The following MIB2 variants were observed in gnomAD, a reference collection of about 807,000 sequenced individuals.
The protein encoded by MIB2 is E3 ubiquitin-protein ligase MIB2.
In MIB2, 78 loss-of-function variants were observed where a neutral mutation model predicts 96.6. The ratio of observed to expected loss-of-function variants is 0.81; its 90% CI spans 0.67 to 0.97. The LOEUF (loss-of-function observed/expected upper bound fraction) is 0.97, where lower values mean the gene tolerates loss of function less well. MIB2 is among the 50% of genes least tolerant of loss of function. The probability of loss-of-function intolerance (pLI) is 0.00; values close to 1 mark genes in which losing one functional copy is unlikely to be tolerated. For synonymous variants in MIB2, 820 were observed against 629.5 expected (o/e 1.30, Z -4.53); for missense variants, 1,543 against 1,424.0 (o/e 1.08, Z -1.35).
At chr1:1,616,666 T>C (rs764004807) in intron 2 of MIB2, 52 bp downstream of exon 2, 4 of 1,449,120 alleles carry the variant, frequency 2.8e-6, no homozygotes, top group South Asian at 2.5e-5. Flanking sequence ...CTCTCCCACT[T>C]TGGGGCTCCG....
At chr1:1,615,790 C>G in intron 1 of MIB2, 157 bp downstream of exon 1, 1 of 1,330,174 alleles carries the variant, frequency 7.5e-7, no homozygotes, top group Non-Finnish European at 9.6e-7. Flanking sequence ...TGGGCTGGGG[C>G]TGCGCGCGCA....
At position 1,625,253 on chromosome 1, in the gene MIB2, G is replaced by A. The variant is rs764715673; in HGVS notation, c.722-33G>A. On this transcript the variant is annotated intron_variant, in intron 6 of 19. Transcript: ENST00000355826. The surrounding 1 kb of genome is among the most constrained non-coding windows in gnomAD (Gnocchi z 5.0). ...GCTGAAGTCCCAGAGGGGAGGGGCC[G>A]CTGCCTGAGGCCTGGTCTGCCACCC... is the stretch of plus-strand genomic sequence containing the variant. The A allele has an allele frequency of 1.9e-5, 31 of 1,595,542 alleles. No homozygotes were observed. The African/African-American group carries it at 2.0e-4, about 10-fold the overall frequency.
In MIB2 at chr1:1,626,361, G is replaced by A. The variant is rs1644762355; in HGVS notation, c.973-289G>A. 4 of 475,332 alleles carry A rather than the reference G, an allele frequency of 8.4e-6. No homozygotes were observed. The highest frequency in any genetic ancestry group is 3.9e-5 in the Admixed American group (1 of 25,888). 29.4% of individuals were successfully genotyped at this position (475,332 alleles called of 1,614,324 possible). On this transcript the variant is annotated intron_variant, in intron 8 of 19. Transcript: ENST00000355826. This position sits in a 1 kb window ranked among gnomAD's most constrained non-coding sequence, Gnocchi z 5.3. Reference sequence around the variant, plus strand: ...GCCATGTTGCCTGCTGCTGGTCAGCGTACAGCTTCCCAGGGCCAGCCACCT... The same window carrying A: ...GCCATGTTGCCTGCTGCTGGTCAGCATACAGCTTCCCAGGGCCAGCCACCT...
At chr1:1,627,621 C>G (rs915943406) in intron 12 of MIB2, 52 bp from the exon 13 acceptor site, 1 of 1,548,280 alleles carries the variant, frequency 6.5e-7, no homozygotes, top group African/African-American at 1.4e-5. Flanking sequence ...TGAGCCTGTG[C>G]GTCCAGCCAC....
intron 16 of MIB2, 40 bp from the exon 17 acceptor site, chr1:1,629,093 C>T (rs1162742383): frequency 1.4e-6 from 2 of 1,404,830 alleles, no homozygotes; most frequent in Non-Finnish European, 1.8e-6. Flanking sequence ...TCGGGCCTGC[C>T]CCGGCGCCCG....
Position 1,625,879 on chromosome 1 carries a change from TG to T in MIB2, c.972+229del, listed in dbSNP as rs1288474481. 9 of 576,974 alleles carry T rather than the reference TG, an allele frequency of 1.6e-5. 1 individual carries two copies. In the South Asian group the frequency reaches 1.7e-4, roughly 11 times the overall value. 35.7% of individuals were successfully genotyped at this position (576,974 alleles called of 1,614,324 possible). On this transcript the variant is annotated intron_variant, in intron 8 of 19. Transcript: ENST00000355826. The surrounding 1 kb of genome is among the most constrained non-coding windows in gnomAD (Gnocchi z 5.0). ...GAGGGTATGTCTCTGGGAGCTGGAATGGGCAGGTTAGGGCCTCCCTCTGTTC... is the reference window on the plus strand; with the variant it reads ...GAGGGTATGTCTCTGGGAGCTGGAATGGCAGGTTAGGGCCTCCCTCTGTTC...
intron 2 of MIB2, among the ~76,000 whole-genome samples, chr1:1,621,837 G>C (rs1234247139): frequency 6.6e-6 from 1 of 152,234 alleles, no homozygotes; most frequent in African/African-American, 2.4e-5. Flanking sequence ...TGCAGGCAGA[G>C]CCTCTGCACT....
intron 2 of MIB2, chr1:1,617,379 G>A (rs1643853293): frequency 6.6e-6 from 1 of 152,222 alleles, no homozygotes; most frequent in Admixed American, 6.5e-5. Flanking sequence ...TTGCAATAAG[G>A]GAACTCTCTC....
In MIB2 at chr1:1,628,649, A is replaced by G. The variant is rs781501786; in HGVS notation, c.2129A>G (p.Gln710Arg). 1.3e-6 allele frequency: 2 copies of G among 1,591,796 alleles called. No homozygotes were observed. The highest frequency in any genetic ancestry group is 2.3e-5 in the South Asian group (2 of 88,718). Residue 710 changes from glutamine (Q) to arginine (R), a missense_variant, in exon 16 of 20, where the codon CAG (glutamine) becomes CGG (arginine). Gln to Arg is a conservative substitution (Grantham distance 43). Coordinates refer to ENST00000355826, the MANE Select transcript of MIB2 (RefSeq NM_001170687.4). ...EGDTALHVAL[Q>R]RHQLLPLVAD... ...GACACAGCCCTGCACGTGGCGCTGC[A>G]GCGTCATCAGCTGCTGCCCCTGGTG...
At chr1:1,615,020 A>C (rs1426669741), upstream of MIB2, 21 of 159,596 alleles carry the variant, frequency 1.3e-4, no homozygotes, top group East Asian at 3.4e-3. Flanking sequence ...GTCTCCAAAA[A>C]AAAAAAAAGA....
Position 1,616,497 on chromosome 1 carries a change from C to G in MIB2, c.-129-11C>G. 1.3e-6 allele frequency: 2 copies of G among 1,563,030 alleles called. No homozygotes were observed. Among genetic ancestry groups the G allele is most frequent in the Non-Finnish European group, 1.7e-6 (2 of 1,154,582 alleles). ...CTAACTGTGCATCTTGGCATCTCCC[C>G]TCGGCCACAGGGTTGGAAGCCCAGC... is the stretch of plus-strand genomic sequence containing the variant. On this transcript the variant is annotated splice_polypyrimidine_tract_variant and intron_variant, in intron 1 of 19. Coordinates refer to ENST00000355826, the MANE Select transcript of MIB2 (RefSeq NM_001170687.4).
At chr1:1,627,876 G>C (rs757557570) in intron 13 of MIB2, 47 bp downstream of exon 13, 5 of 1,589,312 alleles carry the variant, frequency 3.1e-6, no homozygotes, top group Non-Finnish European at 4.3e-6. Context: ...GTGAGTGCTT[G>C]TCCCTGGCCT....
chr1:1,629,276 G>A lies in MIB2; in HGVS notation c.2346G>A (p.Val782=). Residue 782 remains valine, a synonymous_variant, in exon 17 of 20, where the codon GTG becomes GTA. Coordinates refer to ENST00000355826, the MANE Select transcript of MIB2 (RefSeq NM_001170687.4). ...TGGACCTGGCCGCCGAGGGTCGCGT[G>A]CTCAAGGCCCTTCAGGGCTGCGCCC... is the stretch of plus-strand genomic sequence containing the variant. ...SPLDLAAEGR[V]LKALQGCAQR... The A allele has an allele frequency of 1.3e-6, 2 of 1,542,938 alleles. No homozygotes were observed. Among genetic ancestry groups the A allele is most frequent in the Non-Finnish European group, 1.7e-6 (2 of 1,156,790 alleles).
At position 1,628,516 on chromosome 1, in the gene MIB2, C is replaced by T. The variant is rs771040772; in HGVS notation, c.1996C>T (p.Arg666Trp). Residue 666 changes from arginine (R) to tryptophan (W), a missense_variant, in exon 16 of 20, where the codon CGG (arginine) becomes TGG (tryptophan). Arg to Trp is a moderately radical substitution (Grantham distance 101). Coordinates refer to ENST00000355826, the MANE Select transcript of MIB2 (RefSeq NM_001170687.4). ...EGRCDVNVRN[R>W]KLQSPLHLAV... ...CCGCTGTGACGTGAACGTGCGCAACCGGAAGCTGCAGTCCCCGCTGCATCT... is the reference window on the plus strand; with the variant it reads ...CCGCTGTGACGTGAACGTGCGCAACTGGAAGCTGCAGTCCCCGCTGCATCT... 2.4e-5 allele frequency: 38 copies of T among 1,600,572 alleles called. No individual in the cohort carries two copies. Among genetic ancestry groups the T allele is most frequent in the Non-Finnish European group, 2.7e-5 (32 of 1,178,308 alleles).
At chr1:1,615,171 T>C (rs1390391520), upstream of MIB2, 9 of 443,422 alleles carry the variant, frequency 2.0e-5, no homozygotes, top group South Asian at 1.4e-4. Flanking sequence ...CGTTTCTCGC[T>C]GTGTCCAGGT....
intron 2 of MIB2, among the ~76,000 whole-genome samples, chr1:1,621,796 G>A (rs1005188079): frequency 2.6e-5 from 4 of 151,710 alleles, no homozygotes; most frequent in African/African-American, 4.9e-5. Flanking sequence ...GCCGGGGCAC[G>A]GATCGGGGGC....
At chr1:1,628,846 G>C in intron 16 of MIB2, 124 bp downstream of exon 16, 1 of 934,098 alleles carries the variant, frequency 1.1e-6, no homozygotes. Flanking sequence ...GGCGTTCTGG[G>C]GGTGGAGCAG....
Position 1,626,523 on chromosome 1 carries a change from G to A in MIB2, c.973-127G>A, listed in dbSNP as rs1160166976. On this transcript the variant is annotated intron_variant, in intron 8 of 19. Coordinates refer to ENST00000355826, the MANE Select transcript of MIB2 (RefSeq NM_001170687.4). This position sits in a 1 kb window ranked among gnomAD's most constrained non-coding sequence, Gnocchi z 5.3. The stretch of plus-strand genomic sequence containing the variant: ...AGAGCCTCTGGCAGTGCCTGGGGTC[G>A]GGGTCGGGGCCGGGGCCGAGTCAGG... 2.2e-5 allele frequency: 17 copies of A among 771,230 alleles called. No homozygotes were observed. Among genetic ancestry groups the A allele is most frequent in the Admixed American group, 3.0e-5 (1 of 33,184 alleles). The allele number at this position is 771,230 out of a possible 1,614,324, so 47.8% of individuals were successfully genotyped here.
In MIB2 at chr1:1,625,104, G is replaced by C; in HGVS notation, c.640G>C (p.Gly214Arg). 1 of 1,613,402 alleles carries C rather than the reference G, an allele frequency of 6.2e-7. No homozygotes were observed. Among genetic ancestry groups the C allele is most frequent in the South Asian group, 1.1e-5 (1 of 91,092 alleles). The stretch of plus-strand genomic sequence containing the variant: ...TGGTACCACCAATGTGTACCGTGTG[G>C]GCCACAAGGGCAAGGTGGACCTCAA... ...ADGTTNVYRV[G>R]HKGKVDLKCV... The change falls in exon 6 of 20, where the codon GGC (glycine) becomes CGC (arginine). Residue 214 changes from glycine (G) to arginine (R), a missense_variant. Coordinates refer to ENST00000355826, the MANE Select transcript of MIB2 (RefSeq NM_001170687.4). The surrounding 1 kb of genome is among the most constrained non-coding windows in gnomAD (Gnocchi z 5.0).
Sources: allele counts gnomAD v4.1 joint callset (sites outside exome capture counted in the v4.1 genomes callset), GRCh38; gene constraint gnomAD v4.1.1; non-coding constraint Gnocchi (gnomAD v3.1); transcripts MANE v1.5; gene names NCBI Gene and HGNC (gene_info 2026-07-23, HGNC 2026-07-21).